The following NSUN6 variants were observed in gnomAD, a reference collection of about 807,000 sequenced individuals.
NSUN6 encodes the protein NOP2/Sun RNA methyltransferase 6.
A neutral mutation model predicts 58.0 loss-of-function variants in NSUN6; 64 were observed. The observed-to-expected ratio is 1.10, with a 90% CI of 0.90 to 1.36. The LOEUF (loss-of-function observed/expected upper bound fraction) is 1.36, where lower values mean the gene tolerates loss of function less well. NSUN6 is among the 40% of genes most tolerant of loss of function. The pLI, the probability that NSUN6 is intolerant of heterozygous loss-of-function variation, is 0.00. For synonymous variants in NSUN6, 231 were observed against 193.9 expected (o/e 1.19, Z -1.59); for missense variants, 701 against 550.1 (o/e 1.27, Z -2.74).
intron 9 of NSUN6, among the ~76,000 whole-genome samples, chr10:18,549,945 A>AG (rs1589811511): frequency 6.6e-6 from 1 of 152,218 alleles, no homozygotes; most frequent in Admixed American, 6.5e-5. Context: ...CCTAATAGGT[A>AG]GAGCTGTTAT....
At chr10:18,622,581 G>C (rs562706080) in intron 3 of NSUN6, among the ~76,000 whole-genome samples, 17 of 152,328 alleles carry the variant, frequency 1.1e-4, no homozygotes, top group East Asian at 9.7e-4. Context: ...CAGCGTGGTG[G>C]CAGACGCCTG....
At chr10:18,560,154 G>C (rs2055379695) in intron 8 of NSUN6, among the ~76,000 whole-genome samples, 1 of 150,788 alleles carries the variant, frequency 6.6e-6, no homozygotes, top group Admixed American at 6.7e-5. Flanking sequence ...TAATAGAATG[G>C]AATGGGGAAT....
intron 3 of NSUN6, among the ~76,000 whole-genome samples, chr10:18,638,004 C>T (rs2059272936): frequency 6.6e-6 from 1 of 152,092 alleles, no homozygotes; most frequent in Non-Finnish European, 1.5e-5. Flanking sequence ...GGAGGTGGGA[C>T]AGGAGACGTA....
intron 7 of NSUN6, among the ~76,000 whole-genome samples, chr10:18,587,560 A>C (rs1244256738): frequency 1.3e-5 from 2 of 152,072 alleles, no homozygotes; most frequent in East Asian, 3.9e-4. Flanking sequence ...GCAGAACGTG[A>C]GTGATTTCTG....
At chr10:18,649,003 G>C (rs1226601892) in intron 1 of NSUN6, among the ~76,000 whole-genome samples, 1 of 152,120 alleles carries the variant, frequency 6.6e-6, no homozygotes, top group Admixed American at 6.5e-5. Flanking sequence ...CATCTCTGTA[G>C]AGCTAGCATT....
chr10:18,571,248 C>T (rs1320258741), intron 8 of NSUN6, among the ~76,000 whole-genome samples: 2 of 150,738 alleles, frequency 1.3e-5, no homozygotes, highest in East Asian at 3.9e-4. Flanking sequence ...CCATTCCATT[C>T]TCCATTCTCC....
chr10:18,574,564 C>T (rs949314923), intron 8 of NSUN6, among the ~76,000 whole-genome samples: 1 of 152,092 alleles, frequency 6.6e-6, no homozygotes, highest in African/African-American at 2.4e-5. Flanking sequence ...GAAAAAGACA[C>T]AATGGGCATT....
chr10:18,554,997 G>C (rs774391321), intron 8 of NSUN6, among the ~76,000 whole-genome samples: 2 of 151,208 alleles, frequency 1.3e-5, no homozygotes, highest in Non-Finnish European at 3.0e-5. Flanking sequence ...AAATGTAATG[G>C]AGAATAGAAT....
chr10:18,614,350 AC>A, intron 5 of NSUN6, 109 bp downstream of exon 5: 1 of 339,612 alleles, frequency 2.9e-6, no homozygotes, highest in African/African-American at 1.0e-4. Context: ...TTGGATTTAT[AC>A]CAAAAAAAAA....
chr10:18,657,140 A>G (rs1353548829), upstream of NSUN6, among the ~76,000 whole-genome samples: 1 of 152,104 alleles, frequency 6.6e-6, no homozygotes, highest in Non-Finnish European at 1.5e-5. Context: ...ATGTAATTGA[A>G]AGTATTTTTT....
intron 6 of NSUN6, among the ~76,000 whole-genome samples, chr10:18,603,033 C>T (rs898338807): frequency 6.6e-6 from 1 of 152,140 alleles, no homozygotes; most frequent in African/African-American, 2.4e-5. Context: ...TGGCTCACTC[C>T]TGTAATCTCA....
rs147887121 is a variant in NSUN6, at chr10:18,611,510, C to T, written c.576-1584G>A. The stretch of plus-strand genomic sequence containing the variant: ...ACTGAAATGGTATGACTATAAACTC[C>T]CCTCGGTTTTGTTGTTGGTTTTATT... On this transcript the variant is annotated intron_variant, in intron 5 of 10. Transcript: ENST00000377304. Among the ~76,000 whole-genome samples the T allele has an allele frequency of 8.6e-5, 13 of 152,030 alleles. No homozygotes were observed. The East Asian group carries it at 1.7e-3, about 20-fold the overall frequency.
Position 18,545,963 on chromosome 10 carries a change from A to T in NSUN6, c.1380T>A (p.Ile460=). Residue 460 remains isoleucine, a synonymous_variant, in exon 11 of 11, where the codon ATT becomes ATA. Coordinates refer to ENST00000377304, the MANE Select transcript of NSUN6 (RefSeq NM_182543.5). ...LANKDSIGFF[I]AKFVKCKST ...TGCTTTTGCATTTTACAAATTTTGC[A>T]ATAAAAAAACCTATAGAGTCCTTAT... 6.3e-7 allele frequency: 1 copy of T among 1,583,904 alleles called. No homozygotes were observed. The highest frequency in any genetic ancestry group is 8.5e-7 in the Non-Finnish European group (1 of 1,171,226).
intron 8 of NSUN6, among the ~76,000 whole-genome samples, chr10:18,584,241 T>G (rs1446869945): frequency 1.3e-5 from 2 of 152,182 alleles, no homozygotes; most frequent in Admixed American, 6.5e-5. Context: ...CCAATTAAAC[T>G]GTGTTAGATT....
At chr10:18,651,058 T>A (rs2059689827) in intron 1 of NSUN6, 71 bp downstream of exon 1, 1 of 1,554,178 alleles carries the variant, frequency 6.4e-7, no homozygotes, top group East Asian at 2.3e-5. Flanking sequence ...TTATACTTAT[T>A]TCTATTTCTC....
intron 8 of NSUN6, among the ~76,000 whole-genome samples, chr10:18,566,191 CCATTCTT>C (rs1412153775): frequency 6.0e-5 from 9 of 150,574 alleles, no homozygotes; most frequent in Non-Finnish European, 7.4e-5. Flanking sequence ...ATTCCATTCT[CCATTCTT>C]CATTCTATTC....
intron 8 of NSUN6, among the ~76,000 whole-genome samples, chr10:18,555,519 G>T (rs1321042157): frequency 2.0e-5 from 3 of 150,934 alleles, no homozygotes; most frequent in Non-Finnish European, 4.4e-5. Context: ...GAATGGAATG[G>T]AAGGGAGCAT....
At chr10:18,647,132 CTTATAGT>C (rs1164943216) in intron 2 of NSUN6, among the ~76,000 whole-genome samples, 1 of 152,078 alleles carries the variant, frequency 6.6e-6, no homozygotes, top group Non-Finnish European at 1.5e-5. Context: ...CAACTTGGTA[CTTATAGT>C]TGTTCTTAAA....
chr10:18,626,214 T>C (rs2058797454), intron 3 of NSUN6, among the ~76,000 whole-genome samples: 2 of 151,656 alleles, frequency 1.3e-5, no homozygotes, highest in Admixed American at 1.3e-4. Flanking sequence ...AATAACAATG[T>C]TACAAAGCTT....
Sources: allele counts gnomAD v4.1 joint callset (sites outside exome capture counted in the v4.1 genomes callset), GRCh38; gene constraint gnomAD v4.1.1; transcripts MANE v1.5; gene names NCBI Gene and HGNC (gene_info 2026-07-23, HGNC 2026-07-21).